Variants in SPOPL observed in about 807,000 individuals in gnomAD.
SPOPL encodes speckle type BTB/POZ protein like, also known as speckle-type POZ protein-like.
A neutral mutation model predicts 53.8 loss-of-function variants in SPOPL; 23 were observed. The observed-to-expected ratio is 0.43, with a 90% confidence interval of 0.31 to 0.61. The LOEUF is 0.61. SPOPL is among the 20% of genes least tolerant of loss of function. The probability of loss-of-function intolerance (pLI) is 0.12; values close to 1 mark genes in which losing one functional copy is unlikely to be tolerated. For missense variants in SPOPL, 442 were observed against 466.9 expected, an observed-to-expected ratio of 0.95 and a Z score of 0.49; for synonymous variants, 164 against 149.7, an observed-to-expected ratio of 1.10 and a Z score of -0.70.
intron 1 of SPOPL, among the ~76,000 whole-genome samples, chr2:138,529,581 T>G (rs1047098577): frequency 1.3e-5 from 2 of 151,856 alleles, no homozygotes; most frequent in African/African-American, 4.8e-5. Flanking sequence ...ATTAGTCAAC[T>G]TCTCTGTTTT....
intron 1 of SPOPL, among the ~76,000 whole-genome samples, chr2:138,541,927 G>A (rs1021666890): frequency 6.6e-6 from 1 of 151,984 alleles, no homozygotes; most frequent in African/African-American, 2.4e-5. Flanking sequence ...AGAGATTCTG[G>A]TATGTTGTGT....
At chr2:138,552,198 G>A (rs4954715) in intron 4 of SPOPL, among the ~76,000 whole-genome samples, 18,296 of 151,944 alleles carry the variant, frequency 0.12, 1,396 homozygotes, top group East Asian at 0.26. Flanking sequence ...TAGATGATTA[G>A]TGTGCCTATA....
Position 138,556,490 on chromosome 2 carries a change from G to C in SPOPL, c.481-2532G>C, listed in dbSNP as rs114618227. Among the ~76,000 whole-genome samples the C allele has an allele frequency of 4.7e-3, 722 of 152,254 alleles. 3 individuals carry two copies. Among genetic ancestry groups the C allele is most frequent in the African/African-American group, 0.015 (628 of 41,558 alleles). On this transcript the variant is annotated intron_variant, in intron 5 of 10. Coordinates refer to ENST00000280098, the MANE Select transcript of SPOPL (RefSeq NM_001001664.3). Reference sequence around the variant, plus strand: ...TTTTTTCTGTCTAGAAATTTCAAGAGCAGTGCTTGATATGAACAAATAAAT... The same window carrying C: ...TTTTTTCTGTCTAGAAATTTCAAGACCAGTGCTTGATATGAACAAATAAAT...
At chr2:138,560,006 T>C (rs1315387958) in intron 7 of SPOPL, among the ~76,000 whole-genome samples, 1 of 151,680 alleles carries the variant, frequency 6.6e-6, no homozygotes, top group Non-Finnish European at 1.5e-5. Context: ...ATCAGCCTTC[T>C]GATCACTTCC....
At chr2:138,529,536 T>TGTGCGCGCA (rs72375808) in intron 1 of SPOPL, among the ~76,000 whole-genome samples, 1 of 97,586 alleles carries the variant, frequency 1.0e-5, no homozygotes, top group Non-Finnish European at 2.2e-5. Flanking sequence ...GTGTGTGTGT[T>TGTGCGCGCA]TGCGTGCGCG....
chr2:138,502,350 C>G (rs974924323), intron 1 of SPOPL, among the ~76,000 whole-genome samples: 1 of 152,224 alleles, frequency 6.6e-6, no homozygotes, highest in Non-Finnish European at 1.5e-5. Flanking sequence ...CCGGGGTTGC[C>G]CCCAATCCCT....
chr2:138,502,790 A>G (rs1367094101), intron 1 of SPOPL, among the ~76,000 whole-genome samples: 1 of 152,076 alleles, frequency 6.6e-6, no homozygotes, highest in African/African-American at 2.4e-5. Flanking sequence ...CTTTTTCCTA[A>G]TTCTTTTTGA....
Position 138,552,508 on chromosome 2 carries a change from C to G in SPOPL, c.353-46C>G, listed in dbSNP as rs2104893638. ...AACTGTGTTACCATGTTTAAAAAGT[C>G]TCTTGGATATTTATTTTATTTAAAC... On this transcript the variant is annotated intron_variant, in intron 4 of 10. Coordinates refer to ENST00000280098, the MANE Select transcript of SPOPL (RefSeq NM_001001664.3). 4 of 1,571,628 alleles carry G rather than the reference C, an allele frequency of 2.5e-6. No individual in the cohort carries two copies. The South Asian group carries it at 4.8e-5, about 19-fold the overall frequency.
At chr2:138,566,946 G>A (rs191141956) in intron 10 of SPOPL, among the ~76,000 whole-genome samples, 32 of 152,280 alleles carry the variant, frequency 2.1e-4, no homozygotes, top group Non-Finnish European at 3.4e-4. Flanking sequence ...AAGTAAGAAG[G>A]AAGTAGCAAG....
intron 8 of SPOPL, among the ~76,000 whole-genome samples, chr2:138,563,519 G>A (rs922643481): frequency 1.3e-5 from 2 of 152,082 alleles, no homozygotes; most frequent in Admixed American, 1.3e-4. Context: ...GGTCGTTAGG[G>A]AAATGTAAAT....
chr2:138,537,283 C>G (rs559153728), intron 1 of SPOPL, among the ~76,000 whole-genome samples: 1 of 152,182 alleles, frequency 6.6e-6, no homozygotes, highest in South Asian at 2.1e-4. Context: ...ATTTCTGTCC[C>G]TTTTAAGGGC....
At chr2:138,517,826 C>T (rs1684474705) in intron 1 of SPOPL, among the ~76,000 whole-genome samples, 1 of 151,602 alleles carries the variant, frequency 6.6e-6, no homozygotes, top group African/African-American at 2.4e-5. Flanking sequence ...GCGGGCGGAT[C>T]ACCTGAGGTC....
intron 1 of SPOPL, among the ~76,000 whole-genome samples, chr2:138,502,517 C>T (rs777963076): frequency 2.6e-5 from 4 of 152,214 alleles, no homozygotes; most frequent in Admixed American, 2.0e-4. Flanking sequence ...AAACTGCATG[C>T]TCTGCCACCG....
chr2:138,531,345 C>T lies in SPOPL; in HGVS notation c.-60-18812C>T, dbSNP rs144741357. On this transcript the variant is annotated intron_variant, in intron 1 of 10. Transcript: ENST00000280098. The stretch of plus-strand genomic sequence containing the variant: ...CCCCACTTCCCCAAGAATGCTAAAA[C>T]CTTAGAATACCTTTTTCCCCATGAA... Among the ~76,000 whole-genome samples the T allele has an allele frequency of 6.2e-3, 947 of 152,150 alleles. 11 individuals are homozygous for T. The highest frequency in any genetic ancestry group is 0.022 in the African/African-American group (909 of 41,536).
intron 1 of SPOPL, among the ~76,000 whole-genome samples, chr2:138,527,505 ATT>A (rs1684701098): frequency 6.6e-6 from 1 of 152,090 alleles, no homozygotes; most frequent in Non-Finnish European, 1.5e-5. Flanking sequence ...CATTAAACTT[ATT>A]TTGTCATTTA....
chr2:138,564,272 A>T (rs1311243297), intron 8 of SPOPL: 1 of 161,694 alleles, frequency 6.2e-6, no homozygotes, highest in African/African-American at 2.4e-5. Context: ...TCAACATGTT[A>T]TATAACATAC....
intron 10 of SPOPL, 21 bp from the exon 11 acceptor site, chr2:138,568,915 T>C (rs368666038): frequency 2.5e-6 from 4 of 1,612,136 alleles, no homozygotes; most frequent in Non-Finnish European, 3.4e-6. Context: ...TTAGTAAATA[T>C]CTTTTAATTC....
At position 138,550,213 on chromosome 2, in the gene SPOPL, G is replaced by C. The variant is rs1685283696; in HGVS notation, c.-4G>C. On this transcript the variant is annotated 5_prime_UTR_variant, in exon 2 of 11. Transcript: ENST00000280098. ...AAATCCTGAAAGACTACAATAAAGT[G>C]GTGATGTCTCGGGAACCCACCCCAC... The C allele has an allele frequency of 6.2e-7, 1 of 1,613,068 alleles. No individual in the cohort carries two copies. The highest frequency in any genetic ancestry group is 8.5e-7 in the Non-Finnish European group (1 of 1,179,364).
intron 5 of SPOPL, among the ~76,000 whole-genome samples, chr2:138,556,180 G>T (rs1413865213): frequency 6.6e-6 from 1 of 152,130 alleles, no homozygotes; most frequent in Non-Finnish European, 1.5e-5. Context: ...ATTTGTGGTT[G>T]CTGTGATAAT....
Sources: allele counts gnomAD v4.1 joint callset (sites outside exome capture counted in the v4.1 genomes callset), GRCh38; gene constraint gnomAD v4.1.1; transcripts MANE v1.5; gene names NCBI Gene and HGNC (gene_info 2026-07-23, HGNC 2026-07-21).